The following CLPB variants were observed in gnomAD, a reference collection of about 807,000 sequenced individuals.
CLPB encodes the protein mitochondrial disaggregase.
Under a neutral mutation model 78.4 loss-of-function variants are expected in CLPB, and 40 were observed. That is an observed-to-expected ratio of 0.51 (90% confidence interval 0.40 to 0.66). CLPB has a LOEUF of 0.66. Among genes scored for constraint, CLPB ranks in the 30% least tolerant of loss-of-function variants. The pLI, the probability that CLPB is intolerant of heterozygous loss-of-function variation, is 0.00. For missense variants in CLPB, 780 were observed against 886.9 expected (o/e 0.88, Z 1.53); for synonymous variants, 333 against 348.0 (o/e 0.96, Z 0.48).
Position 72,369,188 on chromosome 11 carries a change from C to T in CLPB, c.647-10180G>A, listed in dbSNP as rs574442431. On this transcript the variant is annotated intron_variant, in intron 4 of 15. Transcript: ENST00000538039. ...AGGACCCTTCTTTTTAGTGCAGACC[C>T]AGGGGGTGCTTTCCAGAGCCCACAT... is the stretch of plus-strand genomic sequence containing the variant. Among the ~76,000 whole-genome samples the T allele has an allele frequency of 1.4e-4, 22 of 152,264 alleles. No individual in the cohort carries two copies. In the South Asian group the frequency reaches 2.5e-3, roughly 17 times the overall value.
chr11:72,380,229 A>G lies in CLPB; in HGVS notation c.646+52T>C. On this transcript the variant is annotated intron_variant, in intron 4 of 15. Coordinates refer to ENST00000538039, the MANE Select transcript of CLPB (RefSeq NM_001258392.3). ...AGCTGACACCACAGAGCAAGGCTGC[A>G]TGAAAGCCACAAGAGGAGAGCTCTC... is the stretch of plus-strand genomic sequence containing the variant. 3 of 1,380,176 alleles carry G rather than the reference A, an allele frequency of 2.2e-6. No individual in the cohort carries two copies. In the South Asian group the frequency reaches 3.5e-5, roughly 16 times the overall value. 85.5% of individuals were successfully genotyped at this position (1,380,176 alleles called of 1,614,324 possible). A position where few individuals can be genotyped will look rare whatever the true frequency, so the allele number is the denominator to read the frequency against.
In CLPB at chr11:72,312,223, T is replaced by C. The variant is rs1949860476; in HGVS notation, c.989-3619A>G. Among the ~76,000 whole-genome samples, 1 of 152,196 alleles carries C rather than the reference T, an allele frequency of 6.6e-6. No individual in the cohort carries two copies. Among genetic ancestry groups the C allele is most frequent in the Non-Finnish European group, 1.5e-5 (1 of 68,042 alleles). ...AACAAGTTAATGGTGATGAAAGCAATTTGTAAGTGGCGAGGAGTGGGATAA... is the reference window on the plus strand; with the variant it reads ...AACAAGTTAATGGTGATGAAAGCAACTTGTAAGTGGCGAGGAGTGGGATAA... On this transcript the variant is annotated intron_variant, in intron 7 of 15. Transcript: ENST00000538039. This position sits in a 1 kb window ranked among gnomAD's most constrained non-coding sequence, Gnocchi z 4.2.
chr11:72,369,507 C>G (rs943143445), intron 4 of CLPB, among the ~76,000 whole-genome samples: 10 of 152,116 alleles, frequency 6.6e-5, no homozygotes, highest in African/African-American at 2.4e-4. Flanking sequence ...GGTGGCAGCT[C>G]TTTGCCTCTC....
At chr11:72,393,399 C>G (rs1005172631) in intron 3 of CLPB, among the ~76,000 whole-genome samples, 1 of 152,162 alleles carries the variant, frequency 6.6e-6, no homozygotes, top group Admixed American at 6.5e-5. Flanking sequence ...GCAGCAGATA[C>G]CTACTTATTC....
At chr11:72,379,768 A>AATTTAC (rs1251427478) in intron 4 of CLPB, among the ~76,000 whole-genome samples, 1 of 152,168 alleles carries the variant, frequency 6.6e-6, no homozygotes, top group East Asian at 1.9e-4. Flanking sequence ...ACAGGACTGC[A>AATTTAC]ATTTACATTT....
intron 4 of CLPB, among the ~76,000 whole-genome samples, chr11:72,360,479 TCACC>T: frequency 6.6e-6 from 1 of 152,106 alleles, no homozygotes; most frequent in Middle Eastern, 3.2e-3. Context: ...TTTTGATCTG[TCACC>T]CAGGCTGGAG....
intron 4 of CLPB, among the ~76,000 whole-genome samples, chr11:72,378,547 G>A (rs1228697874): frequency 6.6e-6 from 1 of 152,134 alleles, no homozygotes; most frequent in Admixed American, 6.5e-5. Context: ...CTTTTCCCTA[G>A]GTCCCTGCCA....
At chr11:72,373,722 G>C (rs978498275) in intron 4 of CLPB, among the ~76,000 whole-genome samples, 4 of 152,064 alleles carry the variant, frequency 2.6e-5, no homozygotes, top group Non-Finnish European at 4.4e-5. Context: ...AAGGTGGGTG[G>C]ATCACCTGAG....
chr11:72,294,395 T>A lies in CLPB; in HGVS notation c.1610A>T (p.Tyr537Phe), dbSNP rs150857620. The change falls in exon 14 of 16, where the codon TAC (tyrosine) becomes TTC (phenylalanine). Residue 537 changes from tyrosine to phenylalanine, a missense_variant. Tyr to Phe is a conservative substitution (Grantham distance 22). Around this residue, in one of 3 missense-constraint regions of CLPB, gnomAD observed 272 missense variants for 304.0 expected, o/e 0.89. Coordinates refer to ENST00000538039, the MANE Select transcript of CLPB (RefSeq NM_001258392.3). Reference sequence around the variant, plus strand: ...CTCCGAGTGGCAGAAGGGGAGGAAGTAGACGATCTCATTGATCCGTCCCAG... The same window carrying A: ...CTCCGAGTGGCAGAAGGGGAGGAAGAAGACGATCTCATTGATCCGTCCCAG... ...EFLGRINEIV[Y>F]FLPFCHSELI... 25 of 1,614,038 alleles carry A rather than the reference T, an allele frequency of 1.5e-5. No homozygotes were observed. In the Middle Eastern group the frequency reaches 4.9e-4, roughly 32 times the overall value.
chr11:72,366,649 A>G (rs1478290543), intron 4 of CLPB, among the ~76,000 whole-genome samples: 1 of 152,234 alleles, frequency 6.6e-6, no homozygotes, highest in Admixed American at 6.5e-5. Flanking sequence ...AACATATGAA[A>G]AAATGTTCAA....
At chr11:72,302,550 C>T (rs973313681) in intron 9 of CLPB, 1 of 565,146 alleles carries the variant, frequency 1.8e-6, no homozygotes, top group South Asian at 2.0e-5. Context: ...TCATTCTCTT[C>T]CTTAAAAGAC....
intron 2 of CLPB, among the ~76,000 whole-genome samples, chr11:72,414,858 A>G (rs746860048): frequency 1.3e-5 from 2 of 152,214 alleles, no homozygotes; most frequent in Non-Finnish European, 2.9e-5. Flanking sequence ...GATACTTGAC[A>G]TTTATGATCT....
intron 6 of CLPB, among the ~76,000 whole-genome samples, chr11:72,324,161 C>A (rs1950092648): frequency 6.6e-6 from 1 of 151,908 alleles, no homozygotes; most frequent in Admixed American, 6.6e-5. Context: ...TTTTGGGGTG[C>A]TTCTAATAGT....
At chr11:72,339,790 A>T (rs903428196) in intron 5 of CLPB, among the ~76,000 whole-genome samples, 1 of 152,230 alleles carries the variant, frequency 6.6e-6, no homozygotes, top group African/African-American at 2.4e-5. Flanking sequence ...AGACCTCAGC[A>T]CATGGAAGGC....
At chr11:72,407,542 A>G (rs1445525110) in intron 2 of CLPB, among the ~76,000 whole-genome samples, 1 of 152,150 alleles carries the variant, frequency 6.6e-6, no homozygotes, top group Non-Finnish European at 1.5e-5. Context: ...ACCTGCTATC[A>G]TAGAACTCCT....
At chr11:72,309,941 C>G (rs557712886) in intron 7 of CLPB, among the ~76,000 whole-genome samples, 9 of 152,236 alleles carry the variant, frequency 5.9e-5, no homozygotes, top group African/African-American at 2.2e-4. Flanking sequence ...ATCCTAACTA[C>G]TATACTGTGT....
intron 11 of CLPB, among the ~76,000 whole-genome samples, chr11:72,296,982 C>T (rs551480604): frequency 1.3e-5 from 2 of 152,342 alleles, no homozygotes; most frequent in South Asian, 4.1e-4. Flanking sequence ...CACCAGGCTA[C>T]AGAGGTCAGA....
intron 4 of CLPB, 162 bp from the exon 5 acceptor site, chr11:72,359,170 A>T: frequency 9.8e-7 from 1 of 1,021,898 alleles, no homozygotes; most frequent in Middle Eastern, 2.0e-4. Context: ...GGGTAAGAAG[A>T]GGCAAAACAG....
intron 1 of CLPB, among the ~76,000 whole-genome samples, chr11:72,433,063 C>T (rs1856593148): frequency 6.6e-6 from 1 of 152,140 alleles, no homozygotes; most frequent in South Asian, 2.1e-4. Context: ...TCGGGATCAG[C>T]CAGTCCCCCA....
Sources: allele counts gnomAD v4.1 joint callset (sites outside exome capture counted in the v4.1 genomes callset), GRCh38; gene constraint gnomAD v4.1.1; regional missense constraint gnomAD v4.1.1; non-coding constraint Gnocchi (gnomAD v3.1); transcripts MANE v1.5; gene names NCBI Gene and HGNC (gene_info 2026-07-23, HGNC 2026-07-21).